The following SEMA3E variants were observed in gnomAD, a reference collection of about 807,000 sequenced individuals.
The protein encoded by SEMA3E is semaphorin 3E.
SEMA3E carries 49 observed loss-of-function variants against 93.6 expected under a neutral mutation model. The ratio of observed to expected loss-of-function variants is 0.52; its 90% confidence interval spans 0.42 to 0.66. SEMA3E has a LOEUF of 0.66. SEMA3E is among the 30% of genes least tolerant of loss of function. The probability of loss-of-function intolerance (pLI) is 0.00; values close to 1 mark genes in which losing one functional copy is unlikely to be tolerated. For synonymous variants in SEMA3E, 363 were observed against 330.7 expected, an observed-to-expected ratio of 1.10 and a Z score of -1.06; for missense variants, 906 against 964.8, an observed-to-expected ratio of 0.94 and a Z score of 0.81.
chr7:83,546,724 CTA>C (rs1791658553), intron 1 of SEMA3E, among the ~76,000 whole-genome samples: 1 of 151,992 alleles, frequency 6.6e-6, no homozygotes, highest in Admixed American at 6.6e-5. Flanking sequence ...CATTGTATCA[CTA>C]TGTCTCATAT....
In SEMA3E at chr7:83,490,241, T is replaced by C. The variant is rs777818746; in HGVS notation, c.149A>G (p.His50Arg). The C allele has an allele frequency of 2.5e-6, 4 of 1,612,856 alleles. No homozygotes were observed. The highest frequency in any genetic ancestry group is 3.4e-6 in the Non-Finnish European group (4 of 1,179,390). Residue 50 changes from histidine to arginine, a missense_variant, in exon 2 of 17, where the codon CAT becomes CGT. Coordinates refer to ENST00000643230, the MANE Select transcript of SEMA3E (RefSeq NM_012431.3). ...GAGATCAAGAAATCCAAAAGGGCTA[T>C]GAAATATTGATGTTCTGTTCAGATT... ...LLNLNRTSIF[H>R]SPFGFLDLHT...
chr7:83,566,359 G>A (rs1298068700), intron 1 of SEMA3E, among the ~76,000 whole-genome samples: 3 of 151,832 alleles, frequency 2.0e-5, no homozygotes, highest in African/African-American at 7.3e-5. Context: ...ACCCTTTCTC[G>A]TATGCTGTTA....
rs2116885071 is a variant in SEMA3E at position 83,363,258 on chromosome 7, T to G, written c.*4328A>C. On this transcript the variant is annotated 3_prime_UTR_variant, in exon 17 of 17. Transcript: ENST00000643230. ...GACACTTGAGAGTTTAGCAAATATTTATTTCTTTTTCATCGAAGTTGAGCC... is the reference window on the plus strand; with the variant it reads ...GACACTTGAGAGTTTAGCAAATATTGATTTCTTTTTCATCGAAGTTGAGCC... 1 of 152,332 alleles carries G rather than the reference T, an allele frequency of 6.6e-6. No homozygotes were observed. The highest frequency in any genetic ancestry group is 1.9e-4 in the East Asian group (1 of 5,186). The allele number at this position is 152,332 out of a possible 1,614,324, so 9.4% of individuals were successfully genotyped here.
At chr7:83,594,619 T>G (rs547207764) in intron 1 of SEMA3E, among the ~76,000 whole-genome samples, 1 of 152,154 alleles carries the variant, frequency 6.6e-6, no homozygotes, top group Non-Finnish European at 1.5e-5. Flanking sequence ...ATTAGAATAT[T>G]TATTAGTACC....
intron 1 of SEMA3E, among the ~76,000 whole-genome samples, chr7:83,568,561 T>C (rs973144756): frequency 6.6e-6 from 1 of 152,190 alleles, no homozygotes; most frequent in African/African-American, 2.4e-5. Flanking sequence ...GATGCAAGGA[T>C]GGATTAACAT....
intron 1 of SEMA3E, among the ~76,000 whole-genome samples, chr7:83,549,297 CT>C (rs1791713020): frequency 6.6e-6 from 1 of 152,088 alleles, no homozygotes; most frequent in African/African-American, 2.4e-5. Context: ...TCAAGCACAA[CT>C]TTTACATATC....
intron 4 of SEMA3E, among the ~76,000 whole-genome samples, chr7:83,420,671 A>G (rs1404730858): frequency 2.0e-5 from 3 of 152,192 alleles, no homozygotes; most frequent in Admixed American, 1.3e-4. Flanking sequence ...ATAAAGCTGC[A>G]TATCTACAGC....
intron 1 of SEMA3E, among the ~76,000 whole-genome samples, chr7:83,575,758 G>T (rs1049857074): frequency 6.6e-6 from 1 of 151,970 alleles, no homozygotes; most frequent in Admixed American, 6.6e-5. Context: ...AATTGAAAAA[G>T]AAAATATATC....
At chr7:83,527,865 G>A (rs1471306514) in intron 1 of SEMA3E, among the ~76,000 whole-genome samples, 2 of 151,866 alleles carry the variant, frequency 1.3e-5, no homozygotes, top group Non-Finnish European at 2.9e-5. Context: ...TTTACACAGT[G>A]ATTATATTTA....
Position 83,367,806 on chromosome 7 carries a change from G to A in SEMA3E, c.2108C>T (p.Ser703Leu), listed in dbSNP as rs121918341. The A allele has an allele frequency of 1.7e-5, 27 of 1,614,026 alleles. No homozygotes were observed. In the Middle Eastern group the frequency reaches 5.0e-4, roughly 30 times the overall value. ...CTTGTACCATGGTTTTGCTCCCTGC[G>A]AGATGCTACTCTGAGCAGGACAAGG... is the stretch of plus-strand genomic sequence containing the variant. The part of the protein sequence containing the change: ...RMPCPAQSSI[S>L]QGAKPWYKEF... Residue 703 changes from serine to leucine, a missense_variant, in exon 17 of 17, where the codon TCG becomes TTG. By Grantham distance (145) the Ser-to-Leu change is moderately radical. Coordinates refer to ENST00000643230, the MANE Select transcript of SEMA3E (RefSeq NM_012431.3).
At chr7:83,459,694 C>A (rs933463552) in intron 4 of SEMA3E, among the ~76,000 whole-genome samples, 1 of 152,166 alleles carries the variant, frequency 6.6e-6, no homozygotes, top group Non-Finnish European at 1.5e-5. Context: ...CCAAGCCAAG[C>A]CATCGCATCC....
chr7:83,506,526 A>G (rs977201094), intron 1 of SEMA3E, among the ~76,000 whole-genome samples: 1 of 152,128 alleles, frequency 6.6e-6, no homozygotes, highest in African/African-American at 2.4e-5. Flanking sequence ...AAAAAATAGA[A>G]TAAATAAGAT....
At chr7:83,422,994 A>G (rs1042891072) in intron 4 of SEMA3E, among the ~76,000 whole-genome samples, 4 of 152,176 alleles carry the variant, frequency 2.6e-5, no homozygotes, top group African/African-American at 7.2e-5. Flanking sequence ...TTGAGGCTAT[A>G]TTTGACTAGT....
chr7:83,513,598 T>G (rs1299493391), intron 1 of SEMA3E, among the ~76,000 whole-genome samples: 3 of 152,154 alleles, frequency 2.0e-5, no homozygotes, highest in African/African-American at 7.2e-5. Flanking sequence ...TCTTTTAGCT[T>G]TAAAGGCAAC....
chr7:83,616,666 T>C (rs1223664338), intron 1 of SEMA3E: 1 of 446,216 alleles, frequency 2.2e-6, no homozygotes, highest in Admixed American at 2.5e-5. Context: ...ATTCAAGTTG[T>C]GAAGGCCCAG....
chr7:83,601,932 C>T (rs1200045452), intron 1 of SEMA3E, among the ~76,000 whole-genome samples: 1 of 151,976 alleles, frequency 6.6e-6, no homozygotes, highest in East Asian at 1.9e-4. Flanking sequence ...TAAAACATAC[C>T]CTGATGGGGA....
At chr7:83,611,587 A>G (rs1380479918) in intron 1 of SEMA3E, among the ~76,000 whole-genome samples, 13 of 151,428 alleles carry the variant, frequency 8.6e-5, no homozygotes, top group Non-Finnish European at 1.5e-5. Context: ...TGTTCAGGCC[A>G]AAACACTTGG....
rs146831189 is a variant in SEMA3E at position 83,480,673 on chromosome 7, T to C, written c.276+9441A>G. Among the ~76,000 whole-genome samples, 415 of 152,312 alleles carry C rather than the reference T, an allele frequency of 2.7e-3. 2 individuals are homozygous for C. The highest frequency in any genetic ancestry group is 8.2e-3 in the African/African-American group (342 of 41,576). On this transcript the variant is annotated intron_variant, in intron 2 of 16. Transcript: ENST00000643230. ...TTCAATTTTCTATGAATTGCTTTTT[T>C]AGCTATTTAAAACTTAACAATTTTA...
At chr7:83,571,159 TA>T (rs1381194401) in intron 1 of SEMA3E, among the ~76,000 whole-genome samples, 5 of 151,866 alleles carry the variant, frequency 3.3e-5, no homozygotes, top group African/African-American at 1.2e-4. Context: ...ACAAACAACT[TA>T]TACCAATTCT....
Sources: gnomAD v4.1 joint callset for allele counts (sites outside exome capture counted in the v4.1 genomes callset) on GRCh38, gnomAD v4.1.1 for gene constraint, MANE v1.5 for transcripts, NCBI Gene and HGNC (gene_info 2026-07-23, HGNC 2026-07-21) for gene names.